The following SLC2A10 variants were observed in gnomAD, a reference collection of about 807,000 sequenced individuals.
The protein encoded by SLC2A10 is solute carrier family 2, facilitated glucose transporter member 10.
Under a neutral mutation model 32.1 loss-of-function variants are expected in SLC2A10, and 25 were observed. The observed-to-expected ratio is 0.78, with a 90% CI of 0.57 to 1.09. The LOEUF (loss-of-function observed/expected upper bound fraction) is 1.09, where lower values mean the gene tolerates loss of function less well. SLC2A10 is among the 50% of genes least tolerant of loss of function. The probability of loss-of-function intolerance (pLI) is 0.00; values close to 1 mark genes in which losing one functional copy is unlikely to be tolerated. For synonymous variants in SLC2A10, 332 were observed against 309.6 expected (o/e 1.07, Z -0.76); for missense variants, 673 against 686.5 (o/e 0.98, Z 0.22).
chr20:46,729,237 A>C, intron 3 of SLC2A10, 116 bp from the exon 4 acceptor site: 3 of 1,274,864 alleles, frequency 2.4e-6, no homozygotes, highest in East Asian at 2.3e-5. Context: ...ACCAACGGGA[A>C]CATTTGCTTT....
intron 1 of SLC2A10, chr20:46,710,376 A>G: frequency 4.0e-6 from 1 of 251,724 alleles, no homozygotes; most frequent in South Asian, 1.8e-4. Context: ...CGTGCCAGAC[A>G]TTGATATAGG....
intron 4 of SLC2A10, among the ~76,000 whole-genome samples, chr20:46,729,859 T>C (rs1166392211): frequency 6.6e-6 from 1 of 151,984 alleles, no homozygotes; most frequent in Non-Finnish European, 1.5e-5. Flanking sequence ...CTCGATCTCC[T>C]GACCTCGTGA....
intron 1 of SLC2A10, among the ~76,000 whole-genome samples, chr20:46,724,560 G>A (rs1979735987): frequency 6.6e-6 from 1 of 151,680 alleles, no homozygotes; most frequent in Non-Finnish European, 1.5e-5. Flanking sequence ...TTGAATAGAT[G>A]GAGTGGATGG....
At position 46,726,868 on chromosome 20, in the gene SLC2A10, C is replaced by T; in HGVS notation, c.1293C>T (p.Thr431=). 15 of 1,597,610 alleles carry T rather than the reference C, an allele frequency of 9.4e-6. No homozygotes were observed. The highest frequency in any genetic ancestry group is 1.3e-5 in the Non-Finnish European group (15 of 1,173,908). The change falls in exon 3 of 5, where the codon ACC becomes ACT. Residue 431 remains threonine, a synonymous_variant. Transcript: ENST00000359271. ...CCTCCTGCTCTCCCACCCTAGTGAC[C>T]TGGCTTGTCCTCAGCGAGATCTACC... The part of the protein sequence containing the change: ...SAFSFGFGPV[T]WLVLSEIYPV...
chr20:46,728,278 A>G (rs1314780986), intron 3 of SLC2A10, among the ~76,000 whole-genome samples: 1 of 152,270 alleles, frequency 6.6e-6, no homozygotes, highest in East Asian at 1.9e-4. Flanking sequence ...CCAGCTGGTC[A>G]TGGGAGGCTG....
At chr20:46,729,856 T>G (rs1371056704) in intron 4 of SLC2A10, among the ~76,000 whole-genome samples, 2 of 151,920 alleles carry the variant, frequency 1.3e-5, no homozygotes, top group South Asian at 4.2e-4. Context: ...GGTCTCGATC[T>G]CCTGACCTCG....
At position 46,733,874 on chromosome 20, in the gene SLC2A10, G is replaced by A. The variant is rs1344167774; in HGVS notation, c.*40G>A. 1 of 1,587,764 alleles carries A rather than the reference G, an allele frequency of 6.3e-7. No homozygotes were observed. The highest frequency in any genetic ancestry group is 8.6e-7 in the Non-Finnish European group (1 of 1,156,902). ...TGGAAATTCTGGAACTGTGGCTTTG[G>A]CAGACCATCTCCAGCATCCTGCTTC... On this transcript the variant is annotated 3_prime_UTR_variant, in exon 5 of 5. Transcript: ENST00000359271.
chr20:46,734,791 G>A lies in SLC2A10; in HGVS notation c.*957G>A, dbSNP rs185087835. ...ACTCCAGTGAGCTGGAATTCTAAAT[G>A]CTGGTCTAGGAGCTGTCTCCAGGAT... On this transcript the variant is annotated 3_prime_UTR_variant, in exon 5 of 5. Coordinates refer to ENST00000359271, the MANE Select transcript of SLC2A10 (RefSeq NM_030777.4). The A allele has an allele frequency of 6.5e-6, 1 of 152,746 alleles. No individual in the cohort carries two copies. The highest frequency in any genetic ancestry group is 1.5e-5 in the Non-Finnish European group (1 of 68,040). The allele number at this position is 152,746 out of a possible 1,614,324, so 9.5% of individuals were successfully genotyped here.
At chr20:46,719,603 G>T (rs1979442654) in intron 1 of SLC2A10, among the ~76,000 whole-genome samples, 1 of 152,184 alleles carries the variant, frequency 6.6e-6, no homozygotes, top group Non-Finnish European at 1.5e-5. Flanking sequence ...CCACCCCCAT[G>T]ACTCAATTAT....
chr20:46,708,437 A>G (rs757652683), upstream of SLC2A10, among the ~76,000 whole-genome samples: 1 of 152,164 alleles, frequency 6.6e-6, no homozygotes, highest in Non-Finnish European at 1.5e-5. Context: ...TCCCAGGCTC[A>G]TAGCCAACTG....
intron 1 of SLC2A10, among the ~76,000 whole-genome samples, chr20:46,711,180 T>C (rs946522513): frequency 4.6e-5 from 7 of 152,232 alleles, no homozygotes; most frequent in African/African-American, 1.7e-4. Context: ...TCTCAAAGTT[T>C]GCTCTGAGTC....
At chr20:46,720,885 C>G (rs1234469103) in intron 1 of SLC2A10, among the ~76,000 whole-genome samples, 1 of 152,096 alleles carries the variant, frequency 6.6e-6, no homozygotes, top group Non-Finnish European at 1.5e-5. Flanking sequence ...TGCTGTTTAA[C>G]AAAACACTCC....
chr20:46,712,914 C>A (rs117597401), intron 1 of SLC2A10, among the ~76,000 whole-genome samples: 2,311 of 152,108 alleles, frequency 0.015, 40 homozygotes, highest in Middle Eastern at 0.027. Context: ...CTTAGCCTCC[C>A]AAAGTATTGG....
chr20:46,710,163 C>A (rs928197902), intron 1 of SLC2A10: 2 of 425,044 alleles, frequency 4.7e-6, no homozygotes, highest in South Asian at 8.3e-5. Context: ...CTGTCGCGAA[C>A]GAAACTGCGA....
At chr20:46,717,510 T>A (rs560766106) in intron 1 of SLC2A10, among the ~76,000 whole-genome samples, 43 of 152,222 alleles carry the variant, frequency 2.8e-4, no homozygotes, top group Middle Eastern at 6.8e-3. Flanking sequence ...CTCAGCCTCC[T>A]TGATAGCTGG....
intron 1 of SLC2A10, among the ~76,000 whole-genome samples, chr20:46,724,037 C>T (rs1475692240): frequency 6.6e-6 from 1 of 152,228 alleles, no homozygotes; most frequent in Non-Finnish European, 1.5e-5. Flanking sequence ...TTTGTGTTCA[C>T]TCTGTCTAGG....
intron 3 of SLC2A10, among the ~76,000 whole-genome samples, chr20:46,727,284 G>T (rs1980026889): frequency 6.6e-6 from 1 of 152,074 alleles, no homozygotes; most frequent in South Asian, 2.1e-4. Context: ...CATGACACCT[G>T]CCAGGTGGAA....
chr20:46,726,072 G>A lies in SLC2A10; in HGVS notation c.1036G>A (p.Gly346Ser). The change falls in exon 2 of 5, where the codon GGC becomes AGC. Residue 346 changes from glycine (G) to serine (S), a missense_variant. Coordinates refer to ENST00000359271, the MANE Select transcript of SLC2A10 (RefSeq NM_030777.4). ...GCAGACAGGCCTCCCTGGAGACTCT[G>A]GCCTGCTGCAGGACTCCTCTCTACC... The part of the protein sequence containing the change: ...TGQTGLPGDS[G>S]LLQDSSLPPI... 6.2e-7 allele frequency: 1 copy of A among 1,614,202 alleles called. No homozygotes were observed. Among genetic ancestry groups the A allele is most frequent in the South Asian group, 1.1e-5 (1 of 91,088 alleles).
chr20:46,710,980 C>A (rs1978877477), intron 1 of SLC2A10, among the ~76,000 whole-genome samples: 1 of 152,028 alleles, frequency 6.6e-6, no homozygotes, highest in African/African-American at 2.4e-5. Context: ...TCAAGCAATT[C>A]TCCTGCCTCA....
Sources: allele counts gnomAD v4.1 joint callset (sites outside exome capture counted in the v4.1 genomes callset), GRCh38; gene constraint gnomAD v4.1.1; transcripts MANE v1.5; gene names NCBI Gene and HGNC (gene_info 2026-07-23, HGNC 2026-07-21).